The following KDM2B variants were observed in gnomAD, a reference collection of about 807,000 sequenced individuals.
KDM2B encodes the protein lysine demethylase 2B.
Under a neutral mutation model 150.0 loss-of-function variants are expected in KDM2B, and 26 were observed. That is an observed-to-expected ratio of 0.17 (90% CI 0.13 to 0.24). The LOEUF (loss-of-function observed/expected upper bound fraction) is 0.24. Ranked by LOEUF, KDM2B falls within the 10% of genes least tolerant of loss-of-function variation. The probability of loss-of-function intolerance (pLI) is 1.00; values close to 1 mark genes in which losing one functional copy is unlikely to be tolerated. For synonymous variants in KDM2B, 734 were observed against 729.5 expected (o/e 1.01, Z -0.10); for missense variants, 1,265 against 1,816.9 (o/e 0.70, Z 5.52).
At position 121,467,350 on chromosome 12, in the gene KDM2B, C is replaced by A; in HGVS notation, c.1735-14006G>T. On this transcript the variant is annotated intron_variant, in intron 12 of 22. Transcript: ENST00000377071. The surrounding 1 kb of genome is among the most constrained non-coding windows in gnomAD (Gnocchi z 5.1). ...GGCTCCCGCTGCCGCGAGGAGGGAG[C>A]CGCGCCGCGCGCCTCGCACGCCCGC... 1.0e-6 allele frequency: 1 copy of A among 981,310 alleles called. No individual in the cohort carries two copies. The highest frequency in any genetic ancestry group is 1.2e-6 in the Non-Finnish European group (1 of 828,216). The allele number at this position is 981,310 out of a possible 1,614,324, so 60.8% of individuals were successfully genotyped here. A position where few individuals can be genotyped will look rare whatever the true frequency, so the allele number is the denominator to read the frequency against.
At chr12:121,571,809 C>T (rs1224248014) in intron 4 of KDM2B, among the ~76,000 whole-genome samples, 2 of 151,934 alleles carry the variant, frequency 1.3e-5, no homozygotes, top group Non-Finnish European at 2.9e-5. Flanking sequence ...CGCCACTACA[C>T]CCAGCTAATT....
chr12:121,546,017 G>A lies in KDM2B; in HGVS notation c.683+2860C>T, dbSNP rs148245243. On this transcript the variant is annotated intron_variant, in intron 6 of 22. Coordinates refer to ENST00000377071, the MANE Select transcript of KDM2B (RefSeq NM_032590.5). ...ACACCTTCCCCGACCACCTTGACTGGGCGAATCTCCTCCCCTAGTACCAGC... is the reference window on the plus strand; with the variant it reads ...ACACCTTCCCCGACCACCTTGACTGAGCGAATCTCCTCCCCTAGTACCAGC... Among the ~76,000 whole-genome samples, 184 of 152,192 alleles carry A rather than the reference G, an allele frequency of 1.2e-3. 1 individual carries two copies. The highest frequency in any genetic ancestry group is 4.4e-3 in the African/African-American group (181 of 41,520).
intron 13 of KDM2B, 140 bp from the exon 14 acceptor site, chr12:121,445,558 C>T (rs11065580): frequency 1.4e-6 from 1 of 738,342 alleles, no homozygotes; most frequent in Non-Finnish European, 2.2e-6. Context: ...CATTCGCTCA[C>T]TCATTCATTG....
chr12:121,442,725 C>G lies in KDM2B; in HGVS notation c.2716G>C (p.Glu906Gln). ...ELPEAPPKTR[E>Q]SDHSRSSSPT... Reference sequence around the variant, plus strand: ...GAGCTGGAGCGGGAGTGGTCGCTCTCCCTGGTCTTGGGGGGCGCCTCGGGC... The same window carrying G: ...GAGCTGGAGCGGGAGTGGTCGCTCTGCCTGGTCTTGGGGGGCGCCTCGGGC... The change falls in exon 19 of 23, where the codon GAG becomes CAG. Residue 906 changes from glutamate (E) to glutamine (Q), a missense_variant. By Grantham distance (29) the Glu-to-Gln change is conservative (BLOSUM62 2). Around this residue, in one of 11 missense-constraint regions of KDM2B, gnomAD observed 418 missense variants for 402.4 expected, o/e 1.04. Transcript: ENST00000377071. The surrounding 1 kb of genome is among the most constrained non-coding windows in gnomAD (Gnocchi z 7.7). The G allele has an allele frequency of 6.4e-7, 1 of 1,568,278 alleles. No individual in the cohort carries two copies. Among genetic ancestry groups the G allele is most frequent in the African/African-American group, 1.4e-5 (1 of 72,992 alleles).
intron 9 of KDM2B, among the ~76,000 whole-genome samples, chr12:121,514,394 G>T (rs967815376): frequency 1.3e-5 from 2 of 151,990 alleles, no homozygotes; most frequent in Non-Finnish European, 2.9e-5. Context: ...CTGTCAAAAG[G>T]CCTGAGCCCC....
chr12:121,496,014 C>G (rs1289535340), intron 11 of KDM2B, among the ~76,000 whole-genome samples: 1 of 152,062 alleles, frequency 6.6e-6, no homozygotes, highest in African/African-American at 2.4e-5. Context: ...CCTTGTGTGG[C>G]TGGACTTTAG....
At chr12:121,448,980 G>A (rs1204432437) in intron 13 of KDM2B, among the ~76,000 whole-genome samples, 4 of 152,234 alleles carry the variant, frequency 2.6e-5, no homozygotes, top group African/African-American at 9.6e-5. Flanking sequence ...AGGCCGCGGG[G>A]CCTCAAGGTG....
At position 121,442,966 on chromosome 12, in the gene KDM2B, G is replaced by A. The variant is rs1555288985; in HGVS notation, c.2604+26C>T. The stretch of plus-strand genomic sequence containing the variant: ...GCAGCTCTAACCGCTCAGGCCTGGG[G>A]CACAGGAGGGAGGGGAAGATGGTAC... On this transcript the variant is annotated intron_variant, in intron 18 of 22. Coordinates refer to ENST00000377071, the MANE Select transcript of KDM2B (RefSeq NM_032590.5). The surrounding 1 kb of genome is among the most constrained non-coding windows in gnomAD (Gnocchi z 7.7). The A allele has an allele frequency of 6.2e-7, 1 of 1,612,280 alleles. No individual in the cohort carries two copies. Among genetic ancestry groups the A allele is most frequent in the South Asian group, 1.1e-5 (1 of 90,762 alleles).
At chr12:121,461,401 C>T (rs1555293744) in intron 12 of KDM2B, among the ~76,000 whole-genome samples, 1 of 152,018 alleles carries the variant, frequency 6.6e-6, no homozygotes. Flanking sequence ...ATTCTGGCAA[C>T]AGTGAGGGGA....
chr12:121,555,447 A>T (rs1190661989), intron 4 of KDM2B, among the ~76,000 whole-genome samples: 1 of 152,188 alleles, frequency 6.6e-6, no homozygotes, highest in African/African-American at 2.4e-5. Flanking sequence ...ATCTCAGCAC[A>T]CTGCAACCTC....
In KDM2B at chr12:121,442,693, G is replaced by C; in HGVS notation, c.2748C>G (p.Thr916=). 2 of 1,598,210 alleles carry C rather than the reference G, an allele frequency of 1.3e-6. No individual in the cohort carries two copies. The highest frequency in any genetic ancestry group is 1.7e-6 in the Non-Finnish European group (2 of 1,172,800). ...CGGCCCCTTCGGTGCTGGGTCCCGC[G>C]GTGGGGGAGCTGGAGCGGGAGTGGT... is the stretch of plus-strand genomic sequence containing the variant. ...ESDHSRSSSP[T]AGPSTEGAEG... is the part of the protein sequence containing the mutation. Residue 916 remains threonine (T), a synonymous_variant, in exon 19 of 23, where the codon ACC becomes ACG. Transcript: ENST00000377071. This position sits in a 1 kb window ranked among gnomAD's most constrained non-coding sequence, Gnocchi z 7.7.
intron 13 of KDM2B, among the ~76,000 whole-genome samples, chr12:121,445,886 G>C (rs1876082478): frequency 6.6e-6 from 1 of 152,168 alleles, no homozygotes; most frequent in African/African-American, 2.4e-5. Context: ...CTCACCAGTG[G>C]GTATTCAAGG....
At chr12:121,409,219 A>G in the KDM2B span, among the ~76,000 whole-genome samples, 3,231 of 152,234 alleles carry the variant, frequency 0.021, 69 homozygotes, top group East Asian at 0.12. Flanking sequence ...TCCTCAGGTG[A>G]CCTGCTGGCC....
chr12:121,410,723 T>C, the KDM2B span, among the ~76,000 whole-genome samples: 1 of 152,172 alleles, frequency 6.6e-6, no homozygotes, highest in African/African-American at 2.4e-5. Flanking sequence ...GGTTATTCTC[T>C]CACTGGGAGA....
rs1376359168 is a variant in KDM2B, at chr12:121,549,670, T to G, written c.398-32A>C. 47 of 1,528,408 alleles carry G rather than the reference T, an allele frequency of 3.1e-5. No homozygotes were observed. Among genetic ancestry groups the G allele is most frequent in the African/African-American group, 4.1e-5 (3 of 72,744 alleles). The allele number at this position is 1,528,408 out of a possible 1,614,324, so 94.7% of individuals were successfully genotyped here. A position where few individuals can be genotyped will look rare whatever the true frequency, so the allele number is the denominator to read the frequency against. The stretch of plus-strand genomic sequence containing the variant: ...GCAGAAGCCACACACTGGTTGTTCC[T>G]GCCGGCTTAAGGCTCCAGATCCTAC... On this transcript the variant is annotated intron_variant, in intron 4 of 22. Transcript: ENST00000377071. This position sits in a 1 kb window ranked among gnomAD's most constrained non-coding sequence, Gnocchi z 4.4.
At chr12:121,538,105 C>T (rs1228061555) in intron 6 of KDM2B, among the ~76,000 whole-genome samples, 1 of 151,556 alleles carries the variant, frequency 6.6e-6, no homozygotes, top group East Asian at 1.9e-4. Context: ...GGGAGCCGGG[C>T]GCTGCCTGCG....
chr12:121,479,683 G>T (rs375430024), intron 12 of KDM2B, among the ~76,000 whole-genome samples: 1 of 151,760 alleles, frequency 6.6e-6, no homozygotes. Context: ...GTGCAATGGC[G>T]TGATCTTGGC....
chr12:121,489,266 T>A (rs1397511123), intron 12 of KDM2B, among the ~76,000 whole-genome samples: 6 of 151,330 alleles, frequency 4.0e-5, no homozygotes, highest in South Asian at 4.2e-4. Context: ...ATTTTATTTA[T>A]TTTATTTATT....
intron 4 of KDM2B, among the ~76,000 whole-genome samples, chr12:121,565,625 T>A (rs1429433347): frequency 7.0e-6 from 1 of 143,734 alleles, no homozygotes; most frequent in African/African-American, 2.8e-5. Context: ...GCCAAGAGGA[T>A]TTTTTTTTCT....
Sources: gnomAD v4.1 joint callset for allele counts (sites outside exome capture counted in the v4.1 genomes callset) on GRCh38, gnomAD v4.1.1 for gene constraint, gnomAD v4.1.1 regional missense constraint, Gnocchi (gnomAD v3.1) non-coding constraint, MANE v1.5 for transcripts, NCBI Gene and HGNC (gene_info 2026-07-23, HGNC 2026-07-21) for gene names.